Variants in KLB observed in about 807,000 individuals in gnomAD.
KLB encodes klotho beta.
Under a neutral mutation model 88.4 loss-of-function variants are expected in KLB, and 44 were observed. The ratio of observed to expected loss-of-function variants is 0.50; its 90% CI spans 0.39 to 0.64. The LOEUF is 0.64. KLB is among the 30% of genes least tolerant of loss of function. The probability of loss-of-function intolerance (pLI) is 0.00; values close to 1 mark genes in which losing one functional copy is unlikely to be tolerated. For missense variants in KLB, 1,137 were observed against 1,304.8 expected, an observed-to-expected ratio of 0.87 and a Z score of 1.98; for synonymous variants, 548 against 513.4, an observed-to-expected ratio of 1.07 and a Z score of -0.91.
Position 39,407,453 on chromosome 4 carries a change from C to A in KLB, c.504C>A (p.Asn168Lys). The change falls in exon 1 of 5, where the codon AAC (asparagine) becomes AAA (lysine). Residue 168 changes from asparagine to lysine, a missense_variant. This residue lies in a region of KLB where 597 missense variants were observed against 765.2 expected (regional missense o/e 0.78). Coordinates refer to ENST00000257408, the MANE Select transcript of KLB (RefSeq NM_175737.4). ...LFPDGIVTVA[N>K]AKGLQYYSTL... ...CCGATGGAATAGTAACAGTTGCCAACGCAAAAGGTCTGCAGTACTACAGTA... is the reference window on the plus strand; with the variant it reads ...CCGATGGAATAGTAACAGTTGCCAAAGCAAAAGGTCTGCAGTACTACAGTA... 1 of 1,614,122 alleles carries A rather than the reference C, an allele frequency of 6.2e-7. No homozygotes were observed. The highest frequency in any genetic ancestry group is 1.3e-5 in the African/African-American group (1 of 75,048).
chr4:39,431,368 C>T (rs1231410184), intron 1 of KLB, among the ~76,000 whole-genome samples: 1 of 152,202 alleles, frequency 6.6e-6, no homozygotes, highest in Non-Finnish European at 1.5e-5. Flanking sequence ...TCTCCTGCCT[C>T]GGCCTTCCGA....
chr4:39,450,857 T>C lies in KLB; in HGVS notation c.*2171T>C, dbSNP rs1743876974. Reference sequence around the variant, plus strand: ...TTAACCTCTCTTTAACATCAAGGGCTTGGGAAAAAAAAAAAAAAGGTTAGC... The same window carrying C: ...TTAACCTCTCTTTAACATCAAGGGCCTGGGAAAAAAAAAAAAAAGGTTAGC... On this transcript the variant is annotated 3_prime_UTR_variant, in exon 5 of 5. Coordinates refer to ENST00000257408, the MANE Select transcript of KLB (RefSeq NM_175737.4). 6 of 85,976 alleles carry C rather than the reference T, an allele frequency of 7.0e-5. No homozygotes were observed. In the South Asian group the frequency reaches 3.1e-3, roughly 45 times the overall value. 5.3% of individuals were successfully genotyped at this position (85,976 alleles called of 1,614,324 possible).
rs913338291 is a variant in KLB, at chr4:39,449,387, C to T, written c.*701C>T. 1 of 151,764 alleles carries T rather than the reference C, an allele frequency of 6.6e-6. No homozygotes were observed. Among genetic ancestry groups the T allele is most frequent in the Non-Finnish European group, 1.5e-5 (1 of 67,988 alleles). The allele number at this position is 151,764 out of a possible 1,614,324, so 9.4% of individuals were successfully genotyped here. A position where few individuals can be genotyped will look rare whatever the true frequency, so the allele number is the denominator to read the frequency against. Reference sequence around the variant, plus strand: ...GACTCTACAGCAGAGATTTAACACCCTTCTTTAAACTGGGTAGTCAGTGAT... The same window carrying T: ...GACTCTACAGCAGAGATTTAACACCTTTCTTTAAACTGGGTAGTCAGTGAT... On this transcript the variant is annotated 3_prime_UTR_variant, in exon 5 of 5. Transcript: ENST00000257408.
chr4:39,446,133 T>A lies in KLB; in HGVS notation c.1606-199T>A, dbSNP rs936785567. 3.3e-5 allele frequency among the ~76,000 whole-genome samples: 5 copies of A among 152,214 alleles called. No individual in the cohort carries two copies. The highest frequency in any genetic ancestry group is 1.2e-4 in the African/African-American group (5 of 41,458). ...TGGAAAATGGCTTCCCAATGTTTTC[T>A]CAAACAACTTGTTTTCCAAGCCAGG... On this transcript the variant is annotated intron_variant, in intron 3 of 4. Transcript: ENST00000257408. The surrounding 1 kb of genome is among the most constrained non-coding windows in gnomAD (Gnocchi z 6.4).
At chr4:39,428,640 T>C (rs185601410) in intron 1 of KLB, among the ~76,000 whole-genome samples, 5 of 152,326 alleles carry the variant, frequency 3.3e-5, no homozygotes, top group Admixed American at 3.3e-4. Flanking sequence ...TACTAAGATA[T>C]TCTGAAAACC....
intron 1 of KLB, among the ~76,000 whole-genome samples, chr4:39,423,514 AC>A (rs1366451772): frequency 6.6e-6 from 1 of 151,888 alleles, no homozygotes; most frequent in Non-Finnish European, 1.5e-5. Context: ...AACTGGCAGG[AC>A]ATACAGAAAG....
At position 39,434,205 on chromosome 4, in the gene KLB, T is replaced by G. The variant is rs1255293985; in HGVS notation, c.826-5T>G. 4 of 1,597,036 alleles carry G rather than the reference T, an allele frequency of 2.5e-6. No homozygotes were observed. The highest frequency in any genetic ancestry group is 3.4e-6 in the Non-Finnish European group (4 of 1,170,808). ...ACAAAGATCAATAATATTTTCTTCT[T>G]TTAGGCTCACTCGAAAGTTTGGCAT... is the stretch of plus-strand genomic sequence containing the variant. On this transcript the variant is annotated splice_region_variant and splice_polypyrimidine_tract_variant and intron_variant, in intron 1 of 4. Transcript: ENST00000257408.
intron 1 of KLB, among the ~76,000 whole-genome samples, chr4:39,421,998 G>A (rs1433185276): frequency 9.2e-5 from 14 of 151,954 alleles, no homozygotes; most frequent in Non-Finnish European, 1.5e-4. Flanking sequence ...CACCCCCTTC[G>A]GCCTCCCAAA....
At chr4:39,431,514 G>A (rs1743361740) in intron 1 of KLB, among the ~76,000 whole-genome samples, 1 of 152,156 alleles carries the variant, frequency 6.6e-6, no homozygotes, top group Non-Finnish European at 1.5e-5. Flanking sequence ...GCCTCCCAAA[G>A]TGCTGGGATT....
At chr4:39,412,438 C>T (rs1281278817) in intron 1 of KLB, among the ~76,000 whole-genome samples, 2 of 152,146 alleles carry the variant, frequency 1.3e-5, no homozygotes, top group East Asian at 3.8e-4. Context: ...TTCACCAAGA[C>T]CTTTGAGATA....
chr4:39,434,795 T>C, intron 2 of KLB, 75 bp downstream of exon 2: 1 of 1,141,666 alleles, frequency 8.8e-7, no homozygotes, highest in South Asian at 1.5e-5. Flanking sequence ...TTTGAATATG[T>C]AACTATTATT....
chr4:39,448,648 C>A lies in KLB; in HGVS notation c.3097C>A (p.His1033Asn), dbSNP rs373228895. Residue 1033 changes from histidine to asparagine, a missense_variant, in exon 5 of 5, where the codon CAC (histidine) becomes AAC (asparagine). This residue lies in a region of KLB where 426 missense variants were observed against 404.6 expected (regional missense o/e 1.05). Coordinates refer to ENST00000257408, the MANE Select transcript of KLB (RefSeq NM_175737.4). ...GTTTTGGAAAGCAAAAAACTTACAA[C>A]ACATACCATTAAAGAAAGGCAAGAG... Reference protein sequence around the residue: ...RKFWKAKNLQHIPLKKGKRVV... With the variant: ...RKFWKAKNLQNIPLKKGKRVV... 5.8e-5 allele frequency: 93 copies of A among 1,612,656 alleles called. No individual in the cohort carries two copies. The highest frequency in any genetic ancestry group is 7.2e-5 in the Non-Finnish European group (85 of 1,179,926).
chr4:39,447,815 T>C (rs1455654666), intron 4 of KLB, among the ~76,000 whole-genome samples: 1 of 152,196 alleles, frequency 6.6e-6, no homozygotes, highest in Non-Finnish European at 1.5e-5. Flanking sequence ...TAAACAGGTG[T>C]ATAAATTTAT....
At chr4:39,435,128 A>AT (rs1253983618) in intron 2 of KLB, among the ~76,000 whole-genome samples, 34 of 131,000 alleles carry the variant, frequency 2.6e-4, no homozygotes, top group African/African-American at 7.6e-4. Context: ...ATTGTCCAAT[A>AT]TTTTTTTTTT....
intron 4 of KLB, 81 bp downstream of exon 4, chr4:39,447,556 T>C: frequency 8.0e-7 from 1 of 1,249,918 alleles, no homozygotes; most frequent in South Asian, 1.5e-5. Context: ...AGCAGCAGGC[T>C]GGTGCCTGAC....
chr4:39,425,597 T>C (rs1743188834), intron 1 of KLB, among the ~76,000 whole-genome samples: 1 of 152,032 alleles, frequency 6.6e-6, no homozygotes, highest in South Asian at 2.1e-4. Context: ...CATGCCACCA[T>C]GCCCAGCTAA....
chr4:39,448,680 T>C lies in KLB; in HGVS notation c.3129T>C (p.Val1043=), dbSNP rs1401924921. The change falls in exon 5 of 5, where the codon GTT becomes GTC. Residue 1043 remains valine (V), a synonymous_variant. Coordinates refer to ENST00000257408, the MANE Select transcript of KLB (RefSeq NM_175737.4). The part of the protein sequence containing the change: ...HIPLKKGKRV[V]S ...CATTAAAGAAAGGCAAGAGAGTTGT[T>C]AGCTAAACTGATCTGTCTGCATGAT... 2 of 1,607,058 alleles carry C rather than the reference T, an allele frequency of 1.2e-6. No homozygotes were observed. The highest frequency in any genetic ancestry group is 1.7e-6 in the Non-Finnish European group (2 of 1,179,118).
intron 3 of KLB, among the ~76,000 whole-genome samples, chr4:39,439,697 G>C (rs1743555338): frequency 7.0e-6 from 1 of 142,666 alleles, no homozygotes; most frequent in African/African-American, 2.7e-5. Context: ...CTTTATTCTT[G>C]TTGCTCATCG....
chr4:39,418,239 A>G (rs796126797), intron 1 of KLB, among the ~76,000 whole-genome samples: 2 of 152,036 alleles, frequency 1.3e-5, no homozygotes, highest in African/African-American at 4.8e-5. Flanking sequence ...GCCCTTGACA[A>G]TATCTTTTTT....
Sources: gnomAD v4.1 joint callset for allele counts (sites outside exome capture counted in the v4.1 genomes callset) on GRCh38, gnomAD v4.1.1 for gene constraint, gnomAD v4.1.1 regional missense constraint, Gnocchi (gnomAD v3.1) non-coding constraint, MANE v1.5 for transcripts, NCBI Gene and HGNC (gene_info 2026-07-23, HGNC 2026-07-21) for gene names.